The following GPC6 variants were observed in gnomAD, a reference collection of about 807,000 sequenced individuals.
The protein encoded by GPC6 is glypican-6.
In GPC6, 14 loss-of-function variants were observed where a neutral mutation model predicts 55.2. That is an observed-to-expected ratio of 0.25 (90% CI 0.17 to 0.40). GPC6 has a LOEUF of 0.40. GPC6 is among the 10% of genes least tolerant of loss of function. GPC6 has a pLI of 1.00. For synonymous variants in GPC6, 278 were observed against 259.6 expected (o/e 1.07, Z -0.68); for missense variants, 641 against 708.5 (o/e 0.90, Z 1.08).
intron 2 of GPC6, among the ~76,000 whole-genome samples, chr13:93,683,969 AC>A (rs1283622993): frequency 6.6e-6 from 1 of 152,106 alleles, no homozygotes; most frequent in East Asian, 1.9e-4. Flanking sequence ...CAGAAAGCAG[AC>A]AGAAGAAGCA....
Position 93,662,818 on chromosome 13 carries a change from C to T in GPC6, c.319+117397C>T, listed in dbSNP as rs1248909455. On this transcript the variant is annotated intron_variant, in intron 2 of 8. Transcript: ENST00000377047. ...CTAGGAATAATTCCTAATGGGACAC[C>T]AGGATAATCAATGAAATAGAAAAAA... is the stretch of plus-strand genomic sequence containing the variant. Among the ~76,000 whole-genome samples the T allele has an allele frequency of 3.3e-5, 5 of 151,610 alleles. No individual in the cohort carries two copies. The East Asian group carries it at 9.7e-4, about 29-fold the overall frequency.
chr13:94,195,523 A>G (rs1292712407), intron 4 of GPC6, among the ~76,000 whole-genome samples: 1 of 148,494 alleles, frequency 6.7e-6, no homozygotes, highest in African/African-American at 2.6e-5. Flanking sequence ...GCATGTTCAC[A>G]TTATTATTCT....
Position 93,612,211 on chromosome 13 carries a change from C to A in GPC6, c.319+66790C>A, listed in dbSNP as rs7322683. 8.7e-3 allele frequency among the ~76,000 whole-genome samples: 1,330 copies of A among 152,186 alleles called. 25 individuals carry two copies. The highest frequency in any genetic ancestry group is 0.031 in the African/African-American group (1,272 of 41,516). ...GAATAAAATAGGTTATAAAATACTTCATGTTAGGCTGGGCGCGGTGGCTCA... is the reference window on the plus strand; with the variant it reads ...GAATAAAATAGGTTATAAAATACTTAATGTTAGGCTGGGCGCGGTGGCTCA... On this transcript the variant is annotated intron_variant, in intron 2 of 8. Coordinates refer to ENST00000377047, the MANE Select transcript of GPC6 (RefSeq NM_005708.5).
At chr13:93,429,950 T>C (rs1328886010) in intron 1 of GPC6, among the ~76,000 whole-genome samples, 1 of 152,138 alleles carries the variant, frequency 6.6e-6, no homozygotes, top group Non-Finnish European at 1.5e-5. Flanking sequence ...TTGACCAATA[T>C]GAGAAAACTC....
At chr13:93,914,653 G>C (rs1877196519) in intron 3 of GPC6, among the ~76,000 whole-genome samples, 1 of 152,132 alleles carries the variant, frequency 6.6e-6, no homozygotes, top group Non-Finnish European at 1.5e-5. Context: ...TGCTAATTAG[G>C]AGCAGGCCTT....
chr13:93,289,702 G>T (rs1298650983), intron 1 of GPC6, among the ~76,000 whole-genome samples: 1 of 152,026 alleles, frequency 6.6e-6, no homozygotes, highest in African/African-American at 2.4e-5. Flanking sequence ...AGAGGGTCAG[G>T]CACATTTTAT....
chr13:94,347,664 C>T (rs9556364), intron 6 of GPC6, among the ~76,000 whole-genome samples: 1 of 151,978 alleles, frequency 6.6e-6, no homozygotes, highest in Admixed American at 6.6e-5. Context: ...GAAGTAAGGT[C>T]TTTCCTTTTG....
At chr13:94,007,766 A>G (rs1207377887) in intron 3 of GPC6, among the ~76,000 whole-genome samples, 2 of 152,064 alleles carry the variant, frequency 1.3e-5, no homozygotes, top group Admixed American at 6.6e-5. Context: ...GGCTCTTTAC[A>G]TTGTGGTCTC....
At chr13:93,488,584 C>A (rs1484984043) in intron 1 of GPC6, among the ~76,000 whole-genome samples, 1 of 152,162 alleles carries the variant, frequency 6.6e-6, no homozygotes, top group African/African-American at 2.4e-5. Context: ...ACACTCCCAC[C>A]AACAGTGTAA....
At chr13:93,385,384 G>A (rs966873598) in intron 1 of GPC6, among the ~76,000 whole-genome samples, 3 of 152,248 alleles carry the variant, frequency 2.0e-5, no homozygotes, top group Admixed American at 1.3e-4. Context: ...GTAATGGGAA[G>A]CCCTTGATAG....
intron 6 of GPC6, among the ~76,000 whole-genome samples, chr13:94,372,360 C>T (rs1282517941): frequency 4.6e-5 from 7 of 151,926 alleles, no homozygotes; most frequent in African/African-American, 9.7e-5. Context: ...GTGCGCGCAC[C>T]GTGCGCGAGC....
chr13:93,985,634 G>A (rs573189990), intron 3 of GPC6, among the ~76,000 whole-genome samples: 1 of 141,514 alleles, frequency 7.1e-6, no homozygotes, highest in South Asian at 2.2e-4. Flanking sequence ...CCAGGCCACA[G>A]TGGGCCATAA....
intron 1 of GPC6, among the ~76,000 whole-genome samples, chr13:93,359,277 T>C (rs1371825037): frequency 6.6e-6 from 1 of 152,130 alleles, no homozygotes; most frequent in Non-Finnish European, 1.5e-5. Flanking sequence ...AATATTCTTG[T>C]GTAGAAAAAA....
chr13:93,348,719 G>GCAAAAATA (rs1399795253), intron 1 of GPC6, among the ~76,000 whole-genome samples: 3 of 152,188 alleles, frequency 2.0e-5, no homozygotes, highest in Admixed American at 6.5e-5. Context: ...AAAATATAAA[G>GCAAAAATA]TTAAGCAGAT....
chr13:94,202,886 G>T (rs1889797809), intron 4 of GPC6, among the ~76,000 whole-genome samples: 1 of 151,914 alleles, frequency 6.6e-6, no homozygotes, highest in Non-Finnish European at 1.5e-5. Context: ...CTAAGAACAT[G>T]GTTCATTTTC....
intron 1 of GPC6, among the ~76,000 whole-genome samples, chr13:93,287,857 T>C (rs1032309367): frequency 6.6e-6 from 1 of 152,236 alleles, no homozygotes; most frequent in Non-Finnish European, 1.5e-5. Flanking sequence ...AATTATGTTT[T>C]TTTTAAAGGT....
At chr13:93,507,448 C>T (rs1180073143) in intron 1 of GPC6, among the ~76,000 whole-genome samples, 1 of 152,084 alleles carries the variant, frequency 6.6e-6, no homozygotes. Context: ...TCTAGTAAAA[C>T]ACTTGATATT....
At chr13:93,832,792 T>TATGACC (rs1887569894) in intron 3 of GPC6, among the ~76,000 whole-genome samples, 1 of 152,028 alleles carries the variant, frequency 6.6e-6, no homozygotes, top group African/African-American at 2.4e-5. Flanking sequence ...ATCAGTAGAG[T>TATGACC]ATGACCTTTT....
intron 2 of GPC6, among the ~76,000 whole-genome samples, chr13:93,660,510 C>T (rs527278564): frequency 7.2e-5 from 11 of 152,174 alleles, no homozygotes; most frequent in African/African-American, 2.6e-4. Flanking sequence ...TTTAGTTAAG[C>T]TTAGTTTTTT....
Sources: allele counts gnomAD v4.1 joint callset (sites outside exome capture counted in the v4.1 genomes callset), GRCh38; gene constraint gnomAD v4.1.1; transcripts MANE v1.5; gene names NCBI Gene and HGNC (gene_info 2026-07-23, HGNC 2026-07-21).